GRIA1: variants seen among roughly 807,000 people sequenced by gnomAD.
The protein encoded by GRIA1 is glutamate ionotropic receptor AMPA type subunit 1, also known as glutamate receptor 1.
A neutral mutation model predicts 99.2 loss-of-function variants in GRIA1; 31 were observed. That is an observed-to-expected ratio of 0.31 (90% CI 0.23 to 0.42). The LOEUF is 0.42. Among genes scored for constraint, GRIA1 ranks in the 10% least tolerant of loss-of-function variants. The probability of loss-of-function intolerance (pLI) is 1.00; values close to 1 mark genes in which losing one functional copy is unlikely to be tolerated. For synonymous variants in GRIA1, 438 were observed against 432.4 expected, an observed-to-expected ratio of 1.01 and a Z score of -0.16; for missense variants, 782 against 1,157.5, an observed-to-expected ratio of 0.68 and a Z score of 4.71.
rs761591394 is a variant in GRIA1, at chr5:153,770,387, A to T, written c.2242A>T (p.Ile748Phe). The T allele has an allele frequency of 6.2e-7, 1 of 1,613,896 alleles. No individual in the cohort carries two copies. ...TAACTTGGATTCCAAAGGCTATGGCATTGCAACACCCAAGGGGTCTGCCCT... is the reference window on the plus strand; with the variant it reads ...TAACTTGGATTCCAAAGGCTATGGCTTTGCAACACCCAAGGGGTCTGCCCT... ...GGNLDSKGYG[I>F]ATPKGSALRN... Residue 748 changes from isoleucine (I) to phenylalanine (F), a missense_variant, in exon 13 of 16, where the codon ATT becomes TTT. Physicochemically the swap from Ile to Phe is conservative, Grantham distance 21. Transcript: ENST00000285900.
At chr5:153,774,667 A>T (rs1337660302) in intron 13 of GRIA1, among the ~76,000 whole-genome samples, 2 of 151,986 alleles carry the variant, frequency 1.3e-5, no homozygotes, top group Non-Finnish European at 2.9e-5. Flanking sequence ...TGGGGCATTC[A>T]CTCTCTTACA....
intron 2 of GRIA1, among the ~76,000 whole-genome samples, chr5:153,548,799 T>A (rs911625225): frequency 3.3e-5 from 5 of 152,206 alleles, no homozygotes; most frequent in Non-Finnish European, 5.9e-5. Context: ...AGACCTGCTA[T>A]TCATATGTTG....
rs78269393 is a variant in GRIA1, at chr5:153,596,489, T to C, written c.221-50439T>C. Among the ~76,000 whole-genome samples, 1,399 of 152,296 alleles carry C rather than the reference T, an allele frequency of 9.2e-3. 22 individuals are homozygous for C. Among genetic ancestry groups the C allele is most frequent in the East Asian group, 0.042 (216 of 5,168 alleles). On this transcript the variant is annotated intron_variant, in intron 2 of 15. Coordinates refer to ENST00000285900, the MANE Select transcript of GRIA1 (RefSeq NM_000827.4). ...AGAGGCAGTTACAACAGGTATTACA[T>C]AGAGCTCCATTTTGCAGATGGGGAA... is the stretch of plus-strand genomic sequence containing the variant.
chr5:153,514,464 T>C lies in GRIA1; in HGVS notation c.220+20399T>C, dbSNP rs565179656. Among the ~76,000 whole-genome samples, 122 of 152,364 alleles carry C rather than the reference T, an allele frequency of 8.0e-4. 1 individual carries two copies. Among genetic ancestry groups the C allele is most frequent in the Middle Eastern group, 3.4e-3 (1 of 294 alleles). On this transcript the variant is annotated intron_variant, in intron 2 of 15. Coordinates refer to ENST00000285900, the MANE Select transcript of GRIA1 (RefSeq NM_000827.4). ...AAGAGACTATCCTTTTCCCCTTGTG[T>C]GCTCTTGGCACCTTTGTAGAAAATC...
Position 153,705,850 on chromosome 5 carries a change from G to A in GRIA1, c.1606G>A (p.Ala536Thr), listed in dbSNP as rs13166438. ...TGTCTTCTCCTTCCTTGATCCTTTG[G>A]CTTATGAGATTTGGATGTGCATTGT... Reference protein sequence around the residue: ...PGVFSFLDPLAYEIWMCIVFA... With the variant: ...PGVFSFLDPLTYEIWMCIVFA... Residue 536 changes from alanine (A) to threonine (T), a missense_variant, in exon 11 of 16, where the codon GCT (alanine) becomes ACT (threonine). Around this residue, in one of 5 missense-constraint regions of GRIA1, gnomAD observed 87 missense variants for 184.5 expected, o/e 0.47. Coordinates refer to ENST00000285900, the MANE Select transcript of GRIA1 (RefSeq NM_000827.4). 6.2e-7 allele frequency: 1 copy of A among 1,613,776 alleles called. No homozygotes were observed. Among genetic ancestry groups the A allele is most frequent in the Non-Finnish European group, 8.5e-7 (1 of 1,179,950 alleles).
Position 153,501,106 on chromosome 5 carries a change from T to C in GRIA1, c.220+7041T>C, listed in dbSNP as rs562552292. 3.9e-5 allele frequency among the ~76,000 whole-genome samples: 6 copies of C among 152,322 alleles called. No individual in the cohort carries two copies. In the South Asian group the frequency reaches 1.2e-3, roughly 32 times the overall value. ...GTCTAAGGAAAGCTCTAGACTTCCC[T>C]TCCACCAACTTGCACATTCAGGGCG... On this transcript the variant is annotated intron_variant, in intron 2 of 15. Transcript: ENST00000285900.
chr5:153,723,560 G>T (rs527250084), intron 11 of GRIA1, among the ~76,000 whole-genome samples: 9 of 152,228 alleles, frequency 5.9e-5, no homozygotes, highest in Non-Finnish European at 1.2e-4. Flanking sequence ...CTTTTCCAAT[G>T]GACTTAAAAA....
intron 2 of GRIA1, among the ~76,000 whole-genome samples, chr5:153,567,628 A>G (rs562064284): frequency 5.3e-5 from 8 of 152,302 alleles, no homozygotes; most frequent in African/African-American, 1.9e-4. Context: ...ATCACTCTCA[A>G]TTGAGAACCA....
chr5:153,768,425 G>C (rs1763659676), intron 12 of GRIA1, among the ~76,000 whole-genome samples: 2 of 152,194 alleles, frequency 1.3e-5, no homozygotes, highest in South Asian at 2.1e-4. Flanking sequence ...CCATGAGTGA[G>C]AAGTAGAACT....
chr5:153,668,966 C>T (rs1019476736), intron 5 of GRIA1, among the ~76,000 whole-genome samples: 1 of 152,204 alleles, frequency 6.6e-6, no homozygotes, highest in Non-Finnish European at 1.5e-5. Flanking sequence ...AGCAGTAGAA[C>T]ACATTTGTGA....
At chr5:153,650,575 C>A in intron 4 of GRIA1, 61 bp downstream of exon 4, 1 of 1,519,644 alleles carries the variant, frequency 6.6e-7, no homozygotes, top group Non-Finnish European at 9.0e-7. Context: ...TAGCCAGACA[C>A]ACTTTTGCCT....
chr5:153,809,782 C>T (rs191701085), intron 15 of GRIA1, among the ~76,000 whole-genome samples: 67 of 152,316 alleles, frequency 4.4e-4, no homozygotes, highest in Non-Finnish European at 2.6e-4. Context: ...GAGGCAGAAC[C>T]ATTACAAGAG....
intron 2 of GRIA1, among the ~76,000 whole-genome samples, chr5:153,623,052 G>A (rs1767214502): frequency 6.6e-6 from 1 of 152,218 alleles, no homozygotes; most frequent in South Asian, 2.1e-4. Context: ...CAGCAAGTAA[G>A]TGATAGTGTT....
chr5:153,596,966 G>A (rs972518679), intron 2 of GRIA1, among the ~76,000 whole-genome samples: 1 of 152,214 alleles, frequency 6.6e-6, no homozygotes, highest in African/African-American at 2.4e-5. Flanking sequence ...AGGGTCTCTG[G>A]GAATGGTCTG....
rs571705635 is a variant in GRIA1, at chr5:153,577,762, G to A, written c.221-69166G>A. On this transcript the variant is annotated intron_variant, in intron 2 of 15. Transcript: ENST00000285900. The stretch of plus-strand genomic sequence containing the variant: ...CCAGACAGTGAGAACACAGTAGTGA[G>A]TAAGGGGGACAAGACACCTGACTTC... 2.0e-5 allele frequency among the ~76,000 whole-genome samples: 3 copies of A among 152,350 alleles called. No individual in the cohort carries two copies. The South Asian group carries it at 6.2e-4, about 32-fold the overall frequency.
intron 13 of GRIA1, among the ~76,000 whole-genome samples, chr5:153,775,636 A>G (rs1018681513): frequency 4.6e-5 from 7 of 152,140 alleles, no homozygotes; most frequent in African/African-American, 1.7e-4. Context: ...GCTGCAGGGA[A>G]TGGCAGTGAG....
intron 8 of GRIA1, among the ~76,000 whole-genome samples, chr5:153,697,796 C>G (rs771601311): frequency 1.3e-5 from 2 of 152,200 alleles, no homozygotes. Flanking sequence ...AAGCCCTTAT[C>G]CCTCAGAGGT....
intron 12 of GRIA1, 22 bp from the exon 13 acceptor site, chr5:153,770,146 G>T (rs372739865): frequency 1.2e-6 from 2 of 1,611,190 alleles, no homozygotes; most frequent in African/African-American, 1.3e-5. Context: ...CTTAATTCCA[G>T]CTTTGTTTCT....
At chr5:153,691,215 G>A (rs942207646) in intron 8 of GRIA1, among the ~76,000 whole-genome samples, 1 of 152,130 alleles carries the variant, frequency 6.6e-6, no homozygotes, top group African/African-American at 2.4e-5. Flanking sequence ...TCCCGTTCAA[G>A]GATACCACTT....
Sources: gnomAD v4.1 joint callset for allele counts (sites outside exome capture counted in the v4.1 genomes callset) on GRCh38, gnomAD v4.1.1 for gene constraint, gnomAD v4.1.1 regional missense constraint, MANE v1.5 for transcripts, NCBI Gene and HGNC (gene_info 2026-07-23, HGNC 2026-07-21) for gene names.